Variants in CAMTA1 observed in about 807,000 individuals in gnomAD.
CAMTA1 encodes the protein calmodulin binding transcription activator 1, also known as calmodulin-binding transcription activator 1.
A neutral mutation model predicts 170.9 loss-of-function variants in CAMTA1; 27 were observed. The ratio of observed to expected loss-of-function variants is 0.16; its 90% CI spans 0.12 to 0.22. The LOEUF (loss-of-function observed/expected upper bound fraction) is 0.22. CAMTA1 is among the 10% of genes least tolerant of loss of function. The pLI is 1.00. For synonymous variants in CAMTA1, 833 were observed against 891.5 expected (o/e 0.93, Z 1.17); for missense variants, 1,619 against 2,217.2 (o/e 0.73, Z 5.42).
chr1:6,946,317 G>A (rs534901455), intron 3 of CAMTA1, among the ~76,000 whole-genome samples: 4 of 151,812 alleles, frequency 2.6e-5, no homozygotes, highest in Non-Finnish European at 5.9e-5. Flanking sequence ...TAAGCCTCCT[G>A]AGTAGCTAGG....
chr1:7,436,954 T>C (rs2092367568), intron 5 of CAMTA1, among the ~76,000 whole-genome samples: 1 of 151,804 alleles, frequency 6.6e-6, no homozygotes, highest in African/African-American at 2.4e-5. Flanking sequence ...AGCCTGCACG[T>C]TGGGGGGAAT....
intron 3 of CAMTA1, among the ~76,000 whole-genome samples, chr1:7,071,777 A>C (rs551487539): frequency 5.3e-5 from 8 of 152,342 alleles, no homozygotes; most frequent in Admixed American, 5.2e-4. Context: ...CTAAAAGTGG[A>C]AATGCCTGGG....
chr1:7,765,330 C>T (rs1265243980), intron 22 of CAMTA1, among the ~76,000 whole-genome samples: 2 of 152,190 alleles, frequency 1.3e-5, no homozygotes, highest in African/African-American at 2.4e-5. Flanking sequence ...ACCCCATCTA[C>T]ATCAGGTGGC....
rs1211996419 is a variant in CAMTA1, at chr1:7,751,126, G to A, written c.4690-73G>A. 25 of 1,204,550 alleles carry A rather than the reference G, an allele frequency of 2.1e-5. No homozygotes were observed. In the East Asian group the frequency reaches 2.1e-4, roughly 10 times the overall value. 74.6% of individuals were successfully genotyped at this position (1,204,550 alleles called of 1,614,324 possible). A position where few individuals can be genotyped will look rare whatever the true frequency, so the allele number is the denominator to read the frequency against. Reference sequence around the variant, plus strand: ...AAGCATTTTCTCTTCTTCCCTTCCCGGTAAGCTCGAAGGACGCTGAGCCCG... The same window carrying A: ...AAGCATTTTCTCTTCTTCCCTTCCCAGTAAGCTCGAAGGACGCTGAGCCCG... On this transcript the variant is annotated intron_variant, in intron 19 of 22. Coordinates refer to ENST00000303635, the MANE Select transcript of CAMTA1 (RefSeq NM_015215.4).
At chr1:7,601,869 G>T (rs531168128) in intron 6 of CAMTA1, among the ~76,000 whole-genome samples, 1 of 151,992 alleles carries the variant, frequency 6.6e-6, no homozygotes, top group Non-Finnish European at 1.5e-5. Context: ...CAGGGAGGTT[G>T]CAGTGAGCTG....
At chr1:7,318,311 A>T (rs1377335342) in intron 5 of CAMTA1, among the ~76,000 whole-genome samples, 1 of 152,184 alleles carries the variant, frequency 6.6e-6, no homozygotes, top group African/African-American at 2.4e-5. Context: ...TCCCTGGGGT[A>T]TGGTGGACTT....
intron 3 of CAMTA1, among the ~76,000 whole-genome samples, chr1:7,038,516 C>T (rs1703965562): frequency 6.6e-6 from 1 of 152,178 alleles, no homozygotes; most frequent in Admixed American, 6.5e-5. Flanking sequence ...CACCAAGTAG[C>T]GCCTGTGGCT....
chr1:7,363,957 C>T (rs555070133), intron 5 of CAMTA1, among the ~76,000 whole-genome samples: 16 of 152,262 alleles, frequency 1.1e-4, no homozygotes, highest in South Asian at 4.1e-4. Context: ...CATAAAGTCA[C>T]GGGGGCTAAA....
intron 5 of CAMTA1, among the ~76,000 whole-genome samples, chr1:7,380,362 G>T (rs1557621130): frequency 6.6e-6 from 1 of 152,118 alleles, no homozygotes; most frequent in Non-Finnish European, 1.5e-5. Context: ...ATCACCTGTG[G>T]TCGGGAGTTT....
chr1:7,215,566 G>A (rs989276092), intron 4 of CAMTA1, among the ~76,000 whole-genome samples: 1 of 152,114 alleles, frequency 6.6e-6, no homozygotes, highest in African/African-American at 2.4e-5. Flanking sequence ...GCTAATTTTT[G>A]TATATTTAGT....
Position 7,185,412 on chromosome 1 carries a change from A to G in CAMTA1, c.303-64079A>G, listed in dbSNP as rs141437510. ...AGGGAGAGCTGACACACTCATGGAG[A>G]TGTGGTAAAAGACACAGAGCCAGGC... On this transcript the variant is annotated intron_variant, in intron 4 of 22. Transcript: ENST00000303635. Among the ~76,000 whole-genome samples the G allele has an allele frequency of 5.9e-5, 9 of 152,300 alleles. 1 individual carries two copies. In the South Asian group the frequency reaches 1.7e-3, roughly 28 times the overall value.
At chr1:7,605,123 C>T (rs554181135) in intron 6 of CAMTA1, among the ~76,000 whole-genome samples, 6 of 152,306 alleles carry the variant, frequency 3.9e-5, no homozygotes, top group African/African-American at 1.2e-4. Context: ...TTAGGCTACT[C>T]GGGGGTCAGG....
At chr1:7,267,760 A>T (rs1669145219) in intron 5 of CAMTA1, among the ~76,000 whole-genome samples, 1 of 152,198 alleles carries the variant, frequency 6.6e-6, no homozygotes, top group Admixed American at 6.5e-5. Context: ...ATTGGTTGTC[A>T]TGAGGGCTGC....
At chr1:7,256,049 A>C (rs1253654724) in intron 5 of CAMTA1, among the ~76,000 whole-genome samples, 1 of 152,000 alleles carries the variant, frequency 6.6e-6, no homozygotes, top group African/African-American at 2.4e-5. Flanking sequence ...TCATCATCTG[A>C]ATTTTTGTGC....
At chr1:7,460,422 CTA>C (rs1177954721) in intron 5 of CAMTA1, among the ~76,000 whole-genome samples, 4 of 152,202 alleles carry the variant, frequency 2.6e-5, no homozygotes, top group African/African-American at 9.6e-5. Context: ...TACACGCTCT[CTA>C]TCTCTCTCCT....
At chr1:6,849,780 A>G (rs1226284377) in intron 3 of CAMTA1, among the ~76,000 whole-genome samples, 1 of 152,146 alleles carries the variant, frequency 6.6e-6, no homozygotes, top group Non-Finnish European at 1.5e-5. Flanking sequence ...CATGCCTGTA[A>G]TCCCAGCACT....
At chr1:7,458,087 C>T (rs1443605999) in intron 5 of CAMTA1, among the ~76,000 whole-genome samples, 3 of 143,450 alleles carry the variant, frequency 2.1e-5, no homozygotes, top group East Asian at 2.4e-4. Context: ...TAGGGGGTGG[C>T]GGGTGGCCAG....
At chr1:7,066,136 A>G (rs1708926054) in intron 3 of CAMTA1, among the ~76,000 whole-genome samples, 1 of 152,168 alleles carries the variant, frequency 6.6e-6, no homozygotes, top group African/African-American at 2.4e-5. Context: ...CTCTGAGACC[A>G]TCCTCTCCGA....
In CAMTA1 at chr1:7,718,060, T is replaced by C. The variant is rs140970202; in HGVS notation, c.2915-14388T>C. On this transcript the variant is annotated intron_variant, in intron 11 of 22. Transcript: ENST00000303635. Reference sequence around the variant, plus strand: ...CCAACACAATTTCTCTTTACGTTCATGTATATGAGACCGAGTTTCTGGTGA... The same window carrying C: ...CCAACACAATTTCTCTTTACGTTCACGTATATGAGACCGAGTTTCTGGTGA... Among the ~76,000 whole-genome samples, 187 of 152,320 alleles carry C rather than the reference T, an allele frequency of 1.2e-3. 1 individual carries two copies. Among genetic ancestry groups the C allele is most frequent in the African/African-American group, 4.5e-3 (186 of 41,584 alleles).
Sources: gnomAD v4.1 joint callset for allele counts (sites outside exome capture counted in the v4.1 genomes callset) on GRCh38, gnomAD v4.1.1 for gene constraint, MANE v1.5 for transcripts, NCBI Gene and HGNC (gene_info 2026-07-23, HGNC 2026-07-21) for gene names.